Variants in KALRN observed in about 807,000 individuals in gnomAD.
The protein encoded by KALRN is kalirin RhoGEF kinase, also known as kalirin.
A neutral mutation model predicts 353.7 loss-of-function variants in KALRN; 70 were observed. That is an observed-to-expected ratio of 0.20 (90% CI 0.16 to 0.24). The LOEUF is 0.24. Among genes scored for constraint, KALRN ranks in the 10% least tolerant of loss-of-function variants. KALRN has a pLI of 1.00. For missense variants in KALRN, 2,791 were observed against 3,756.7 expected (o/e 0.74, Z 6.72); for synonymous variants, 1,391 against 1,434.8 (o/e 0.97, Z 0.69).
intron 34 of KALRN, among the ~76,000 whole-genome samples, chr3:124,564,472 T>C (rs978376412): frequency 2.6e-5 from 4 of 151,876 alleles, no homozygotes; most frequent in African/African-American, 9.7e-5. Flanking sequence ...GGCTAGGAGT[T>C]TGAGACCAGA....
intron 1 of KALRN, among the ~76,000 whole-genome samples, chr3:124,133,337 C>T (rs1026676021): frequency 1.3e-5 from 2 of 151,826 alleles, no homozygotes; most frequent in African/African-American, 4.9e-5. Context: ...CTCTCTCCCC[C>T]ACCTCAAAAA....
At chr3:124,316,436 A>G (rs1273485920) in intron 6 of KALRN, among the ~76,000 whole-genome samples, 1 of 152,180 alleles carries the variant, frequency 6.6e-6, no homozygotes, top group Non-Finnish European at 1.5e-5. Context: ...CTGGGATCCA[A>G]TAGACTGAAC....
chr3:124,506,090 G>A (rs897341884), intron 33 of KALRN, among the ~76,000 whole-genome samples: 1 of 152,216 alleles, frequency 6.6e-6, no homozygotes, highest in African/African-American at 2.4e-5. Context: ...CAAGTTCGAA[G>A]ATCCTCTATG....
At chr3:124,108,596 T>C (rs1291453919) in intron 1 of KALRN, among the ~76,000 whole-genome samples, 2 of 152,214 alleles carry the variant, frequency 1.3e-5, no homozygotes, top group Non-Finnish European at 2.9e-5. Context: ...AAGTGGAAGC[T>C]TTAAAAGCCA....
intron 33 of KALRN, chr3:124,504,707 A>G (rs1283080324): frequency 5.1e-6 from 2 of 388,948 alleles, no homozygotes; most frequent in Admixed American, 6.5e-5. Context: ...CAGCCTCTCA[A>G]GCAAATTCTG....
intron 10 of KALRN, among the ~76,000 whole-genome samples, chr3:124,364,664 A>G (rs1424608993): frequency 9.9e-5 from 15 of 152,062 alleles, no homozygotes; most frequent in Admixed American, 8.5e-4. Context: ...CCTGTTTGAG[A>G]AGTGTGTGCA....
chr3:124,410,422 G>T (rs778455378), intron 13 of KALRN: 1 of 369,252 alleles, frequency 2.7e-6, no homozygotes, highest in Non-Finnish European at 5.3e-6. Context: ...TTGTGATTTG[G>T]GCTATTTTAC....
intron 1 of KALRN, among the ~76,000 whole-genome samples, chr3:124,225,788 C>A (rs1362055613): frequency 6.6e-6 from 1 of 152,008 alleles, no homozygotes; most frequent in South Asian, 2.1e-4. Flanking sequence ...GAACTAGGAC[C>A]CTCTTGTGTA....
chr3:124,450,328 T>A (rs2058657601), intron 21 of KALRN, among the ~76,000 whole-genome samples: 1 of 152,182 alleles, frequency 6.6e-6, no homozygotes, highest in African/African-American at 2.4e-5. Flanking sequence ...AGCTGGTAAT[T>A]TCATCTCTGA....
intron 5 of KALRN, among the ~76,000 whole-genome samples, chr3:124,285,542 T>G (rs551692016): frequency 4.6e-5 from 7 of 152,322 alleles, no homozygotes; most frequent in African/African-American, 1.2e-4. Context: ...ATTTTTGGTT[T>G]GTTTGTTTTT....
intron 1 of KALRN, among the ~76,000 whole-genome samples, chr3:124,224,408 A>C (rs1373981424): frequency 1.3e-5 from 2 of 152,178 alleles, no homozygotes; most frequent in East Asian, 1.9e-4. Context: ...AAATCTCATA[A>C]TGTTTTAAGA....
At chr3:124,416,619 G>A (rs892773937) in intron 14 of KALRN, among the ~76,000 whole-genome samples, 7 of 152,222 alleles carry the variant, frequency 4.6e-5, no homozygotes, top group African/African-American at 1.7e-4. Context: ...GTTCTGCAGG[G>A]GAGGCATCTA....
chr3:124,496,462 A>C (rs2063861769), intron 33 of KALRN, 49 bp downstream of exon 33: 1 of 1,365,098 alleles, frequency 7.3e-7, no homozygotes. Flanking sequence ...TTGATGGCTC[A>C]ACCACCCCTG....
At chr3:124,142,061 C>T (rs2066689555) in intron 1 of KALRN, among the ~76,000 whole-genome samples, 1 of 152,152 alleles carries the variant, frequency 6.6e-6, no homozygotes, top group African/African-American at 2.4e-5. Flanking sequence ...ACATTTATCT[C>T]CCTCTCCCCT....
At chr3:124,071,656 C>T (rs1186122255) in intron 1 of KALRN, among the ~76,000 whole-genome samples, 2 of 152,232 alleles carry the variant, frequency 1.3e-5, no homozygotes, top group African/African-American at 4.8e-5. Context: ...ACCTTGAATA[C>T]TGTGTCCTCT....
chr3:124,660,492 GC>G (rs1414028789), intron 43 of KALRN, among the ~76,000 whole-genome samples: 1 of 151,956 alleles, frequency 6.6e-6, no homozygotes, highest in Non-Finnish European at 1.5e-5. Context: ...GACCAACCTG[GC>G]CAACATGGTG....
intron 42 of KALRN, among the ~76,000 whole-genome samples, 186 bp from the exon 43 acceptor site, chr3:124,659,179 T>C (rs2084493852): frequency 6.6e-6 from 1 of 152,234 alleles, no homozygotes; most frequent in Admixed American, 6.5e-5. Context: ...CCAGTGGTGA[T>C]GTGTGTTATG....
intron 52 of KALRN, among the ~76,000 whole-genome samples, 185 bp from the exon 53 acceptor site, chr3:124,694,147 A>G (rs58913077): frequency 8.5e-5 from 13 of 152,148 alleles, no homozygotes; most frequent in African/African-American, 3.1e-4. Flanking sequence ...TTTTTTCTAT[A>G]ATAAACAGTT....
Position 124,398,763 on chromosome 3 carries a change from G to A in KALRN, c.2238G>A (p.Leu746=), listed in dbSNP as rs760053091. ...CCATCAGCCACATCGAGTCGGTCCTGCAGCAGCTTGATGATGCCCAGGTGC... is the reference window on the plus strand; with the variant it reads ...CCATCAGCCACATCGAGTCGGTCCTACAGCAGCTTGATGATGCCCAGGTGC... ...SSSISHIESV[L]QQLDDAQVQM... Residue 746 remains leucine, a synonymous_variant, in exon 13 of 60, where the codon CTG becomes CTA. Transcript: ENST00000682506. 1.9e-6 allele frequency: 3 copies of A among 1,614,200 alleles called. No individual in the cohort carries two copies. The highest frequency in any genetic ancestry group is 1.6e-4 in the Middle Eastern group (1 of 6,062).
Sources: gnomAD v4.1 joint callset for allele counts (sites outside exome capture counted in the v4.1 genomes callset) on GRCh38, gnomAD v4.1.1 for gene constraint, MANE v1.5 for transcripts, NCBI Gene and HGNC (gene_info 2026-07-23, HGNC 2026-07-21) for gene names.